Variants in VEPH1 observed in about 807,000 individuals in gnomAD.
VEPH1 encodes the protein ventricular zone-expressed PH domain-containing protein homolog 1.
In VEPH1, 80 loss-of-function variants were observed where a neutral mutation model predicts 85.2. The ratio of observed to expected loss-of-function variants is 0.94; its 90% CI spans 0.78 to 1.13. VEPH1 has a LOEUF of 1.13. VEPH1 is among the 50% of genes most tolerant of loss of function. The probability of loss-of-function intolerance (pLI) is 0.00; values close to 1 mark genes in which losing one functional copy is unlikely to be tolerated. For synonymous variants in VEPH1, 297 were observed against 348.0 expected, an observed-to-expected ratio of 0.85 and a Z score of 1.63; for missense variants, 955 against 980.5, an observed-to-expected ratio of 0.97 and a Z score of 0.35.
intron 3 of VEPH1, among the ~76,000 whole-genome samples, chr3:157,469,144 G>A (rs1460000920): frequency 6.6e-6 from 1 of 152,126 alleles, no homozygotes; most frequent in Non-Finnish European, 1.5e-5. Context: ...GTTCCATCAA[G>A]CACTATTCAT....
At chr3:157,360,761 G>A (rs1725967401) in intron 9 of VEPH1, among the ~76,000 whole-genome samples, 1 of 152,034 alleles carries the variant, frequency 6.6e-6, no homozygotes, top group African/African-American at 2.4e-5. Context: ...TCAAAGTATG[G>A]TTTCTACTGA....
chr3:157,306,017 A>T (rs1719475580), intron 11 of VEPH1, among the ~76,000 whole-genome samples: 1 of 152,188 alleles, frequency 6.6e-6, no homozygotes, highest in South Asian at 2.1e-4. Flanking sequence ...TTTATATTTT[A>T]TGTAGTCAAA....
At chr3:157,439,125 C>G (rs1733910428) in intron 4 of VEPH1, among the ~76,000 whole-genome samples, 1 of 152,148 alleles carries the variant, frequency 6.6e-6, no homozygotes, top group Admixed American at 6.5e-5. Flanking sequence ...CAAATGTACA[C>G]TAGATTCTCA....
intron 9 of VEPH1, among the ~76,000 whole-genome samples, chr3:157,343,346 T>A (rs546883784): frequency 1.3e-5 from 2 of 152,000 alleles, no homozygotes; most frequent in South Asian, 4.1e-4. Flanking sequence ...AAAGGGGATA[T>A]CATCACCAAT....
intron 6 of VEPH1, among the ~76,000 whole-genome samples, chr3:157,390,634 A>G (rs1198805587): frequency 4.6e-5 from 7 of 152,212 alleles, no homozygotes; most frequent in African/African-American, 1.7e-4. Flanking sequence ...CTTTAATTCA[A>G]GAAGGAGAAT....
At position 157,414,030 on chromosome 3, in the gene VEPH1, T is replaced by A. The variant is rs142231099; in HGVS notation, c.757A>T (p.Ile253Phe). Residue 253 changes from isoleucine to phenylalanine, a missense_variant, in exon 6 of 14, where the codon ATC becomes TTC. Coordinates refer to ENST00000362010, the MANE Select transcript of VEPH1 (RefSeq NM_001167912.2). ...GHLKDSTHND[I>F]ILNILIEIAV... is the part of the protein sequence containing the mutation. ...ATCTCTATGAGGATGTTTAGGATGA[T>A]GTCATTATGGGTTGAATCCTTCAAA... is the stretch of plus-strand genomic sequence containing the variant. The A allele has an allele frequency of 1.1e-4, 176 of 1,613,376 alleles. No homozygotes were observed. The highest frequency in any genetic ancestry group is 1.4e-4 in the Non-Finnish European group (162 of 1,179,696).
At chr3:157,398,630 C>G (rs1730595601) in intron 6 of VEPH1, among the ~76,000 whole-genome samples, 1 of 94,628 alleles carries the variant, frequency 1.1e-5, no homozygotes, top group Non-Finnish European at 2.1e-5. Flanking sequence ...GAGACTCTGT[C>G]TCAAAGAAAA....
intron 12 of VEPH1, among the ~76,000 whole-genome samples, chr3:157,275,001 C>T (rs1215569360): frequency 6.6e-6 from 1 of 152,084 alleles, no homozygotes; most frequent in Non-Finnish European, 1.5e-5. Flanking sequence ...CTGCTTGTTT[C>T]TGCTTGTTCT....
chr3:157,285,072 C>CA (rs1199447708), intron 12 of VEPH1: 1 of 152,208 alleles, frequency 6.6e-6, no homozygotes, highest in East Asian at 1.9e-4. Flanking sequence ...CAGGGCCTCT[C>CA]AGAGATACCT....
intron 11 of VEPH1, among the ~76,000 whole-genome samples, chr3:157,306,892 C>G (rs558258260): frequency 6.6e-6 from 1 of 152,006 alleles, no homozygotes; most frequent in Non-Finnish European, 1.5e-5. Flanking sequence ...CCACTCTGTA[C>G]GCCTTTACAT....
chr3:157,301,056 T>C (rs887907126), intron 11 of VEPH1, among the ~76,000 whole-genome samples: 2 of 152,238 alleles, frequency 1.3e-5, no homozygotes, highest in African/African-American at 4.8e-5. Flanking sequence ...AGTGTGAGTC[T>C]ACTGATACTA....
At chr3:157,409,829 C>T in intron 6 of VEPH1, 3 of 985,362 alleles carry the variant, frequency 3.0e-6, no homozygotes, top group Non-Finnish European at 3.6e-6. Flanking sequence ...CCGTCTCTAC[C>T]CCCATGGCCA....
intron 9 of VEPH1, among the ~76,000 whole-genome samples, chr3:157,342,175 A>G (rs1723646777): frequency 6.6e-6 from 1 of 152,208 alleles, no homozygotes; most frequent in African/African-American, 2.4e-5. Flanking sequence ...ACACATAACA[A>G]TACTAACCTT....
intron 11 of VEPH1, among the ~76,000 whole-genome samples, chr3:157,287,657 T>C (rs2108378475): frequency 6.6e-6 from 1 of 152,170 alleles, no homozygotes; most frequent in South Asian, 2.1e-4. Context: ...CTTCACCTCC[T>C]GGGTTCAAGT....
intron 11 of VEPH1, among the ~76,000 whole-genome samples, chr3:157,293,282 G>A (rs1474115096): frequency 6.6e-6 from 1 of 152,156 alleles, no homozygotes; most frequent in Non-Finnish European, 1.5e-5. Context: ...CTGCATGAAT[G>A]CCATGCATGT....
intron 5 of VEPH1, among the ~76,000 whole-genome samples, chr3:157,420,696 T>A (rs565323371): frequency 1.3e-5 from 2 of 152,304 alleles, no homozygotes; most frequent in East Asian, 1.9e-4. Flanking sequence ...GGTGTGTGAA[T>A]AGGAATGCTC....
intron 12 of VEPH1, among the ~76,000 whole-genome samples, chr3:157,281,697 C>T (rs1211051656): frequency 6.6e-6 from 1 of 152,070 alleles, no homozygotes; most frequent in East Asian, 1.9e-4. Flanking sequence ...ACCACCACAG[C>T]CAGCTAATTT....
At chr3:157,307,222 G>A (rs577537453) in intron 11 of VEPH1, among the ~76,000 whole-genome samples, 31 of 151,938 alleles carry the variant, frequency 2.0e-4, no homozygotes, top group African/African-American at 6.5e-4. Context: ...ATGTTCTTAA[G>A]TGTTCTTTTT....
At chr3:157,437,288 T>G (rs1733674250) in intron 4 of VEPH1, among the ~76,000 whole-genome samples, 1 of 152,250 alleles carries the variant, frequency 6.6e-6, no homozygotes, top group African/African-American at 2.4e-5. Flanking sequence ...TGTTTTGAGC[T>G]ACATAACCGG....
Sources: allele counts gnomAD v4.1 joint callset (sites outside exome capture counted in the v4.1 genomes callset), GRCh38; gene constraint gnomAD v4.1.1; transcripts MANE v1.5; gene names NCBI Gene and HGNC (gene_info 2026-07-23, HGNC 2026-07-21).